Variants in ACACA observed in about 807,000 individuals in gnomAD.
The protein encoded by ACACA is acetyl-CoA carboxylase 1.
Under a neutral mutation model 296.1 loss-of-function variants are expected in ACACA, and 103 were observed. The ratio of observed to expected loss-of-function variants is 0.35; its 90% CI spans 0.30 to 0.41. ACACA has a LOEUF of 0.41. Ranked by LOEUF, ACACA falls within the 10% of genes least tolerant of loss-of-function variation. ACACA has a pLI of 1.00. For synonymous variants in ACACA, 953 were observed against 1,038.6 expected, an observed-to-expected ratio of 0.92 and a Z score of 1.58; for missense variants, 1,554 against 2,989.7, an observed-to-expected ratio of 0.52 and a Z score of 11.20.
intron 45 of ACACA, among the ~76,000 whole-genome samples, chr17:37,145,138 G>A (rs2075759646): frequency 6.6e-6 from 1 of 152,120 alleles, no homozygotes; most frequent in East Asian, 1.9e-4. Flanking sequence ...AGGAAAGGGA[G>A]AAAAAAATAA....
intron 33 of ACACA, among the ~76,000 whole-genome samples, chr17:37,202,749 G>C: frequency 7.8e-6 from 1 of 127,996 alleles, no homozygotes; most frequent in Non-Finnish European, 1.6e-5. Context: ...AGATGAAAAT[G>C]CCAAATGTCC....
chr17:37,389,261 G>A (rs200034389), intron 1 of ACACA: 1,521 of 1,590,210 alleles, frequency 9.6e-4, no homozygotes, highest in Non-Finnish European at 1.3e-3. Context: ...ATGCCTAGGA[G>A]CCAGGAAGCT....
At chr17:37,371,106 TTTCACTC>T (rs2049788810) in intron 1 of ACACA, among the ~76,000 whole-genome samples, 1 of 152,114 alleles carries the variant, frequency 6.6e-6, no homozygotes, top group African/African-American at 2.4e-5. Context: ...TGAGATGGAA[TTTCACTC>T]TTGTTGCCCA....
chr17:37,303,525 ATCATATGGT>A (rs1231397888), intron 3 of ACACA, among the ~76,000 whole-genome samples: 1 of 152,214 alleles, frequency 6.6e-6, no homozygotes, highest in East Asian at 1.9e-4. Context: ...AAGCTGCCAG[ATCATATGGT>A]TCATATGGTG....
At chr17:37,239,734 G>A (rs767634237) in intron 24 of ACACA, among the ~76,000 whole-genome samples, 4 of 152,118 alleles carry the variant, frequency 2.6e-5, no homozygotes, top group Non-Finnish European at 5.9e-5. Flanking sequence ...CAACTTGGTT[G>A]TTATGTATTA....
At chr17:37,237,927 A>C (rs1453185564) in intron 24 of ACACA, among the ~76,000 whole-genome samples, 1 of 152,036 alleles carries the variant, frequency 6.6e-6, no homozygotes, top group Non-Finnish European at 1.5e-5. Context: ...ACACCTGGCT[A>C]ATTTTTGTAT....
At chr17:37,277,657 G>A (rs1236823774) in intron 6 of ACACA, among the ~76,000 whole-genome samples, 1 of 152,166 alleles carries the variant, frequency 6.6e-6, no homozygotes, top group East Asian at 1.9e-4. Flanking sequence ...GAGATACCTA[G>A]AATAAATAAT....
chr17:37,274,392 C>T (rs2082191045), intron 8 of ACACA, 93 bp from the exon 9 acceptor site: 2 of 1,235,410 alleles, frequency 1.6e-6, no homozygotes, highest in Non-Finnish European at 2.4e-6. Context: ...ATCATATTTA[C>T]CCAAAACTGA....
chr17:37,097,636 A>AAATTATACATTGTTT lies in ACACA; in HGVS notation c.6720+179_6720+193dup, dbSNP rs2073072307. ...CCTCCTGAGGAATTAATGGAAACCT[A>AAATTATACATTGTTT]AATTATACATTGTTTTAAGATGATA... On this transcript the variant is annotated intron_variant, in intron 53 of 55. Coordinates refer to ENST00000616317, the MANE Select transcript of ACACA (RefSeq NM_198834.3). The surrounding 1 kb of genome is among the most constrained non-coding windows in gnomAD (Gnocchi z 4.8). Among the ~76,000 whole-genome samples the AAATTATACATTGTTT allele has an allele frequency of 6.6e-6, 1 of 152,212 alleles. No individual in the cohort carries two copies. The highest frequency in any genetic ancestry group is 1.5e-5 in the Non-Finnish European group (1 of 68,032).
chr17:37,162,024 G>C lies in ACACA; in HGVS notation c.5106C>G (p.Thr1702=). The stretch of plus-strand genomic sequence containing the variant: ...CTTCTGGATATTCAGGACTTTTAAA[G>C]GTCATTTTCCAAGCTACCATGCCAA... The part of the protein sequence containing the change: ...NEIGMVAWKM[T]FKSPEYPEGR... Residue 1702 remains threonine, a synonymous_variant, in exon 42 of 56, where the codon ACC becomes ACG. Transcript: ENST00000616317. The C allele has an allele frequency of 6.2e-7, 1 of 1,614,156 alleles. No homozygotes were observed. The highest frequency in any genetic ancestry group is 2.2e-5 in the East Asian group (1 of 44,882).
chr17:37,389,439 C>T (rs1220034565), intron 1 of ACACA: 1 of 1,507,198 alleles, frequency 6.6e-7, no homozygotes, highest in African/African-American at 1.4e-5. Flanking sequence ...GCTCACACCT[C>T]TATTCCCAGC....
chr17:37,286,366 C>T (rs1055563527), intron 3 of ACACA, among the ~76,000 whole-genome samples: 7 of 152,132 alleles, frequency 4.6e-5, no homozygotes, highest in Non-Finnish European at 1.0e-4. Flanking sequence ...CTTCAGTGTT[C>T]TCTTTGTAAA....
At position 37,097,678 on chromosome 17, in the gene ACACA, T is replaced by G. The variant is rs2073075290; in HGVS notation, c.6720+152A>C. 1 of 963,990 alleles carries G rather than the reference T, an allele frequency of 1.0e-6. No individual in the cohort carries two copies. The highest frequency in any genetic ancestry group is 2.7e-5 in the Admixed American group (1 of 37,102). 59.7% of individuals were successfully genotyped at this position (963,990 alleles called of 1,614,324 possible). ...AAGATGATAACAGTTACAGAAACAG[T>G]GAAAATCTAAAAAATATTGAAAATG... On this transcript the variant is annotated intron_variant, in intron 53 of 55. Coordinates refer to ENST00000616317, the MANE Select transcript of ACACA (RefSeq NM_198834.3). The surrounding 1 kb of genome is among the most constrained non-coding windows in gnomAD (Gnocchi z 4.8).
rs2050638654 is a variant in ACACA at position 37,388,313 on chromosome 17, A to G, written c.38+17949T>C. Among the ~76,000 whole-genome samples the G allele has an allele frequency of 2.6e-5, 4 of 152,328 alleles. No homozygotes were observed. In the South Asian group the frequency reaches 8.3e-4, roughly 32 times the overall value. On this transcript the variant is annotated intron_variant, in intron 1 of 55. Transcript: ENST00000616317. ...ATAAAATGTGTCAGAGCAAAATGGT[A>G]GGAACCCTGATAAAGCTGACAGTAA...
chr17:37,329,664 G>T (rs960489884), intron 3 of ACACA, among the ~76,000 whole-genome samples: 2 of 145,834 alleles, frequency 1.4e-5, no homozygotes, highest in Admixed American at 7.0e-5. Flanking sequence ...AAAATAGGCT[G>T]GGCGGGGTAG....
chr17:37,276,138 G>A (rs890936133), intron 7 of ACACA, 89 bp from the exon 8 acceptor site: 1 of 966,852 alleles, frequency 1.0e-6, no homozygotes, highest in African/African-American at 1.6e-5. Flanking sequence ...AGCTATTTAT[G>A]TATTTGTCTT....
At chr17:37,371,588 T>C (rs1429369393) in intron 1 of ACACA, among the ~76,000 whole-genome samples, 1 of 152,090 alleles carries the variant, frequency 6.6e-6, no homozygotes, top group Admixed American at 6.6e-5. Context: ...CCTGTATATA[T>C]GGTATATTCC....
chr17:37,187,150 T>A (rs963543555), intron 39 of ACACA, among the ~76,000 whole-genome samples: 1 of 151,982 alleles, frequency 6.6e-6, no homozygotes, highest in African/African-American at 2.4e-5. Context: ...TCTTGCGCAC[T>A]CTCTCTCTCT....
At chr17:37,118,561 ATTC>A (rs746138796) in intron 50 of ACACA, among the ~76,000 whole-genome samples, 42 of 152,332 alleles carry the variant, frequency 2.8e-4, no homozygotes, top group Admixed American at 1.6e-3. Context: ...TTATAGGGAT[ATTC>A]TAGTAGATCT....
Sources: allele counts gnomAD v4.1 joint callset (sites outside exome capture counted in the v4.1 genomes callset), GRCh38; gene constraint gnomAD v4.1.1; non-coding constraint Gnocchi (gnomAD v3.1); transcripts MANE v1.5; gene names NCBI Gene and HGNC (gene_info 2026-07-23, HGNC 2026-07-21).